Variants in ORMDL2 observed in about 807,000 individuals in gnomAD.
ORMDL2 encodes the protein ORMDL sphingolipid biosynthesis regulator 2.
A neutral mutation model predicts 13.5 loss-of-function variants in ORMDL2; 11 were observed. That is an observed-to-expected ratio of 0.82 (90% CI 0.51 to 1.35). The LOEUF (loss-of-function observed/expected upper bound fraction) is 1.35. ORMDL2 is among the 40% of genes most tolerant of loss of function. ORMDL2 has a pLI of 0.00. For missense variants in ORMDL2, 160 were observed against 191.1 expected (o/e 0.84, Z 0.96); for synonymous variants, 73 against 76.5 (o/e 0.95, Z 0.24).
chr12:55,820,189 T>A, intron 3 of ORMDL2, 71 bp from the exon 4 acceptor site: 2 of 1,416,312 alleles, frequency 1.4e-6, no homozygotes, highest in Non-Finnish European at 2.0e-6. Flanking sequence ...GTGAGAACTG[T>A]CTCTTAAAAA....
rs1270952456 is a variant in ORMDL2, at chr12:55,821,339, G to A, written c.*944G>A. The A allele has an allele frequency of 6.6e-6, 1 of 152,604 alleles. No homozygotes were observed. The highest frequency in any genetic ancestry group is 1.9e-4 in the East Asian group (1 of 5,196). The allele number at this position is 152,604 out of a possible 1,614,324, so 9.5% of individuals were successfully genotyped here. ...ATATTATATCAGGATAAAGGAGAGG[G>A]CTCCCTCCTGAAATGGGTCAAGAAA... On this transcript the variant is annotated 3_prime_UTR_variant, in exon 4 of 4. Transcript: ENST00000243045.
chr12:55,821,700 G>C lies in ORMDL2; in HGVS notation c.*1305G>C, dbSNP rs928974512. 16 of 223,500 alleles carry C rather than the reference G, an allele frequency of 7.2e-5. No homozygotes were observed. The East Asian group carries it at 1.6e-3, about 22-fold the overall frequency. The allele number at this position is 223,500 out of a possible 1,614,324, so 13.8% of individuals were successfully genotyped here. A position where few individuals can be genotyped will look rare whatever the true frequency, so the allele number is the denominator to read the frequency against. On this transcript the variant is annotated 3_prime_UTR_variant, in exon 4 of 4. Transcript: ENST00000243045. ...CCGTCTCTACTAAAAATACAAAAAA[G>C]AATTAGCTGGGCCAGGTGTGGTGGT...
intron 3 of ORMDL2, 84 bp from the exon 4 acceptor site, chr12:55,820,176 A>G: frequency 2.3e-6 from 3 of 1,308,628 alleles, no homozygotes; most frequent in Admixed American, 2.0e-5. Context: ...CCTGGGAAAC[A>G]TGGTGAGAAC....
At chr12:55,818,322 C>G (rs952434269) in intron 1 of ORMDL2, 1 of 332,664 alleles carries the variant, frequency 3.0e-6, no homozygotes, top group Non-Finnish European at 6.0e-6. Flanking sequence ...GCTTCCTAAC[C>G]AGACATCATC....
At chr12:55,818,946 G>A (rs977832550) in intron 1 of ORMDL2, 53 bp from the exon 2 acceptor site, 2 of 1,509,838 alleles carry the variant, frequency 1.3e-6, no homozygotes, top group Non-Finnish European at 1.8e-6. Flanking sequence ...TAGCTCAAGA[G>A]GGGTTGAGAA....
rs2136213517 is a variant in ORMDL2, at chr12:55,819,011, G to T, written c.12G>T (p.Gly4=). 1 of 1,613,578 alleles carries T rather than the reference G, an allele frequency of 6.2e-7. No individual in the cohort carries two copies. The highest frequency in any genetic ancestry group is 2.2e-5 in the East Asian group (1 of 44,856). ...CCATTACGGCTAGGATGAATGTGGG[G>T]GTGGCACACAGCGAAGTAAACCCCA... MNV[G]VAHSEVNPNT... is the part of the protein sequence containing the mutation. Residue 4 remains glycine, a synonymous_variant, in exon 2 of 4, where the codon GGG becomes GGT. Transcript: ENST00000243045.
At chr12:55,818,903 G>C in intron 1 of ORMDL2, 96 bp from the exon 2 acceptor site, 1 of 1,025,600 alleles carries the variant, frequency 9.8e-7, no homozygotes, top group Non-Finnish European at 1.5e-6. Flanking sequence ...TAGAGTTCAG[G>C]GGATTGGGGC....
In ORMDL2 at chr12:55,819,371, A is replaced by T. The variant is rs774295834; in HGVS notation, c.204A>T (p.Lys68Asn). ...LATYVFLHTV[K>N]GTPFETPDQG... Reference sequence around the variant, plus strand: ...CGTATGTCTTCCTTCATACGGTGAAAGGGACACCCTTTGAGACTCCTGACC... The same window carrying T: ...CGTATGTCTTCCTTCATACGGTGAATGGGACACCCTTTGAGACTCCTGACC... The change falls in exon 3 of 4, where the codon AAA becomes AAT. Residue 68 changes from lysine to asparagine, a missense_variant. Physicochemically the swap from Lys to Asn is moderately conservative, Grantham distance 94. Transcript: ENST00000243045. The T allele has an allele frequency of 1.2e-6, 2 of 1,614,130 alleles. No individual in the cohort carries two copies. The highest frequency in any genetic ancestry group is 4.5e-5 in the East Asian group (2 of 44,888).
Position 55,819,504 on chromosome 12 carries a change from G to T in ORMDL2, c.326+11G>T, listed in dbSNP as rs1880607423. 6.2e-7 allele frequency: 1 copy of T among 1,612,032 alleles called. No individual in the cohort carries two copies. Among genetic ancestry groups the T allele is most frequent in the African/African-American group, 1.3e-5 (1 of 74,948 alleles). Reference sequence around the variant, plus strand: ...CTCTCCTATTGTGCTGTGAGTCTATGGGGGAAATGAGATATGCTGGGTTAG... The same window carrying T: ...CTCTCCTATTGTGCTGTGAGTCTATTGGGGAAATGAGATATGCTGGGTTAG... On this transcript the variant is annotated intron_variant, in intron 3 of 3. Coordinates refer to ENST00000243045, the MANE Select transcript of ORMDL2 (RefSeq NM_014182.5).
At chr12:55,818,314 T>G in intron 1 of ORMDL2, 1 of 334,228 alleles carries the variant, frequency 3.0e-6, no homozygotes, top group Non-Finnish European at 6.0e-6. Context: ...CAAGAGCCGC[T>G]TCCTAACCAG....
In ORMDL2 at chr12:55,819,254, T is replaced by G; in HGVS notation, c.174+81T>G. On this transcript the variant is annotated intron_variant, in intron 2 of 3. Transcript: ENST00000243045. ...AATAAAATCACCAATTGTTTGGGGATTTATGTGTTCCTTTTGGGATCTTAA... is the reference window on the plus strand; with the variant it reads ...AATAAAATCACCAATTGTTTGGGGAGTTATGTGTTCCTTTTGGGATCTTAA... 4 of 1,590,040 alleles carry G rather than the reference T, an allele frequency of 2.5e-6. No individual in the cohort carries two copies. The South Asian group carries it at 3.3e-5, about 13-fold the overall frequency.
At chr12:55,820,220 G>A in intron 3 of ORMDL2, 40 bp from the exon 4 acceptor site, 1 of 1,574,178 alleles carries the variant, frequency 6.4e-7, no homozygotes, top group Non-Finnish European at 8.7e-7. Flanking sequence ...TATGGATAGA[G>A]AAGGTCAACC....
chr12:55,819,458 T>C lies in ORMDL2; in HGVS notation c.291T>C (p.Ser97=), dbSNP rs761842363. ...TGGACTATGGGCTCCAGTTTACCTC[T>C]TCCCGCAAGTTCCTCAGCATCTCTC... ...EQMDYGLQFT[S]SRKFLSISPI... The change falls in exon 3 of 4, where the codon TCT becomes TCC. Residue 97 remains serine, a synonymous_variant. Transcript: ENST00000243045. 6.2e-7 allele frequency: 1 copy of C among 1,614,162 alleles called. No homozygotes were observed. The highest frequency in any genetic ancestry group is 1.1e-5 in the South Asian group (1 of 91,086).
chr12:55,819,655 A>G (rs1880613370), intron 3 of ORMDL2, among the ~76,000 whole-genome samples, 162 bp downstream of exon 3: 1 of 152,246 alleles, frequency 6.6e-6, no homozygotes, highest in African/African-American at 2.4e-5. Context: ...AGTAAAATGT[A>G]GATTACAGTC....
At chr12:55,820,203 A>C in intron 3 of ORMDL2, 57 bp from the exon 4 acceptor site, 2 of 1,525,440 alleles carry the variant, frequency 1.3e-6, no homozygotes, top group East Asian at 4.5e-5. Context: ...TTAAAAAAAA[A>C]AAAGAATATG....
intron 3 of ORMDL2, among the ~76,000 whole-genome samples, chr12:55,819,852 C>G (rs1366091297): frequency 6.6e-6 from 1 of 152,174 alleles, no homozygotes; most frequent in African/African-American, 2.4e-5. Flanking sequence ...AACAGTCATA[C>G]AGACTGAAAT....
In ORMDL2 at chr12:55,821,806, G is replaced by A. The variant is rs756968754; in HGVS notation, c.*1411G>A. On this transcript the variant is annotated 3_prime_UTR_variant, in exon 4 of 4. Coordinates refer to ENST00000243045, the MANE Select transcript of ORMDL2 (RefSeq NM_014182.5). ...CGGGAGACAGAGGTTGCAGTAAGCT[G>A]AGATCACACCACTGCACTCCAGCTG... 2.3e-4 allele frequency: 140 copies of A among 600,524 alleles called. No homozygotes were observed. Among genetic ancestry groups the A allele is most frequent in the Admixed American group, 1.1e-4 (3 of 27,082 alleles). The allele number at this position is 600,524 out of a possible 1,614,324, so 37.2% of individuals were successfully genotyped here.
At position 55,819,190 on chromosome 12, in the gene ORMDL2, G is replaced by A. The variant is rs751461956; in HGVS notation, c.174+17G>A. 2.1e-5 allele frequency: 33 copies of A among 1,602,858 alleles called. No individual in the cohort carries two copies. The highest frequency in any genetic ancestry group is 4.5e-5 in the East Asian group (2 of 44,548). On this transcript the variant is annotated intron_variant, in intron 2 of 3. Coordinates refer to ENST00000243045, the MANE Select transcript of ORMDL2 (RefSeq NM_014182.5). ...CATAACCTGGTGAGCACTAAACCAC[G>A]CCCTTGTACCCACCCCAGGGTTTCC... is the stretch of plus-strand genomic sequence containing the variant.
chr12:55,820,122 T>C, intron 3 of ORMDL2, 138 bp from the exon 4 acceptor site: 1 of 764,686 alleles, frequency 1.3e-6, no homozygotes, highest in South Asian at 1.8e-5. Flanking sequence ...GAGTTTGAGG[T>C]TGTACTGCAC....
Sources: gnomAD v4.1 joint callset for allele counts (sites outside exome capture counted in the v4.1 genomes callset) on GRCh38, gnomAD v4.1.1 for gene constraint, MANE v1.5 for transcripts, NCBI Gene and HGNC (gene_info 2026-07-23, HGNC 2026-07-21) for gene names.